Variants in PPP1R13B observed in about 807,000 individuals in gnomAD.
The protein encoded by PPP1R13B is protein phosphatase 1 regulatory subunit 13B.
Under a neutral mutation model 119.8 loss-of-function variants are expected in PPP1R13B, and 44 were observed. The observed-to-expected ratio is 0.37, with a 90% CI of 0.29 to 0.47. The LOEUF is 0.47. PPP1R13B is among the 20% of genes least tolerant of loss of function. PPP1R13B has a pLI of 0.99. For synonymous variants in PPP1R13B, 542 were observed against 561.5 expected (o/e 0.97, Z 0.49); for missense variants, 1,227 against 1,413.5 (o/e 0.87, Z 2.12).
chr14:103,843,172 G>C (rs2086948429), intron 1 of PPP1R13B, among the ~76,000 whole-genome samples: 1 of 151,424 alleles, frequency 6.6e-6, no homozygotes, highest in African/African-American at 2.4e-5. Context: ...AGGAGTTCGA[G>C]ACCAGCCTGG....
chr14:103,737,502 GGAGGTC>G (rs1482399862), intron 15 of PPP1R13B, 186 bp downstream of exon 15: 5 of 620,664 alleles, frequency 8.1e-6, no homozygotes, highest in Non-Finnish European at 1.0e-5. Flanking sequence ...ATTGAGCCCG[GGAGGTC>G]GAGGCTGCAG....
chr14:103,742,474 GT>G lies in PPP1R13B; in HGVS notation c.1320+179del, dbSNP rs1402729060. Among the ~76,000 whole-genome samples, 2 of 152,210 alleles carry G rather than the reference GT, an allele frequency of 1.3e-5. No individual in the cohort carries two copies. The highest frequency in any genetic ancestry group is 2.9e-5 in the Non-Finnish European group (2 of 68,044). On this transcript the variant is annotated intron_variant, in intron 10 of 16. Transcript: ENST00000202556. This position sits in a 1 kb window ranked among gnomAD's most constrained non-coding sequence, Gnocchi z 4.9. ...CAAAAGTTCTGACCGAAAGGTGTGT[GT>G]ACTCGTGGGCTGCTCAGGCTCTTAG...
chr14:103,803,033 C>T (rs556570200), intron 1 of PPP1R13B, among the ~76,000 whole-genome samples: 3 of 152,176 alleles, frequency 2.0e-5, no homozygotes, highest in Admixed American at 2.0e-4. Flanking sequence ...GACCCTAAAG[C>T]ATCACCGAAA....
intron 1 of PPP1R13B, among the ~76,000 whole-genome samples, chr14:103,845,705 A>G (rs2087013195): frequency 6.6e-6 from 1 of 152,202 alleles, no homozygotes; most frequent in Non-Finnish European, 1.5e-5. Flanking sequence ...ATTTTTCTAG[A>G]TATCCTTCAA....
intron 2 of PPP1R13B, among the ~76,000 whole-genome samples, chr14:103,787,336 C>G (rs2085492082): frequency 2.0e-5 from 3 of 151,886 alleles, no homozygotes; most frequent in Admixed American, 2.0e-4. Flanking sequence ...GTGGTTCCAG[C>G]TACTCAGGAA....
chr14:103,794,805 T>C, intron 2 of PPP1R13B: 1 of 286,676 alleles, frequency 3.5e-6, no homozygotes, highest in Non-Finnish European at 7.0e-6. Context: ...TTGGCCATTT[T>C]ACTTACTAAT....
intron 1 of PPP1R13B, among the ~76,000 whole-genome samples, chr14:103,798,312 C>T (rs1431022462): frequency 1.3e-5 from 2 of 151,818 alleles, no homozygotes; most frequent in African/African-American, 2.4e-5. Flanking sequence ...CCACCACGCC[C>T]GGCTAATTTT....
Position 103,740,579 on chromosome 14 carries a change from C to T in PPP1R13B, c.1837G>A (p.Val613Ile), listed in dbSNP as rs1363521147. Residue 613 changes from valine (V) to isoleucine (I), a missense_variant, in exon 12 of 17, where the codon GTT (valine) becomes ATT (isoleucine). By Grantham distance (29) the Val-to-Ile change is conservative. Transcript: ENST00000202556. The surrounding 1 kb of genome is among the most constrained non-coding windows in gnomAD (Gnocchi z 4.6). ...GGAGAGGTTGAACCCGAAGGTAAAA[C>T]GGGCTTACCATACACTGGGGAAGAC... ...KSVKAVYGKP[V>I]LPSGSTSPSP... 3 of 1,530,750 alleles carry T rather than the reference C, an allele frequency of 2.0e-6. No homozygotes were observed. Among genetic ancestry groups the T allele is most frequent in the South Asian group, 2.5e-5 (2 of 80,284 alleles). 94.8% of individuals were successfully genotyped at this position (1,530,750 alleles called of 1,614,324 possible). A position where few individuals can be genotyped will look rare whatever the true frequency, so the allele number is the denominator to read the frequency against.
intron 1 of PPP1R13B, among the ~76,000 whole-genome samples, chr14:103,828,204 T>TA (rs1213958846): frequency 6.6e-6 from 1 of 151,734 alleles, no homozygotes; most frequent in Non-Finnish European, 1.5e-5. Flanking sequence ...CCAACTCTAC[T>TA]AAAAATACAA....
chr14:103,827,035 T>C (rs1353744787), intron 1 of PPP1R13B, among the ~76,000 whole-genome samples: 2 of 115,902 alleles, frequency 1.7e-5, no homozygotes, highest in African/African-American at 3.3e-5. Context: ...CAAAAAAAAG[T>C]AGATTAAGGC....
chr14:103,762,661 T>G (rs1050837921), intron 4 of PPP1R13B: 19 of 528,008 alleles, frequency 3.6e-5, no homozygotes, highest in Non-Finnish European at 5.5e-5. Flanking sequence ...CTGCAGCCTC[T>G]GGAAGCCTGA....
At chr14:103,791,773 T>G (rs1260259235) in intron 2 of PPP1R13B, among the ~76,000 whole-genome samples, 1 of 152,184 alleles carries the variant, frequency 6.6e-6, no homozygotes, top group Non-Finnish European at 1.5e-5. Context: ...TCATTCCATA[T>G]TTTTAGTTTT....
chr14:103,836,678 G>A (rs753547652), intron 1 of PPP1R13B, among the ~76,000 whole-genome samples: 1 of 151,484 alleles, frequency 6.6e-6, no homozygotes, highest in African/African-American at 2.4e-5. Context: ...GCTGAGGCAG[G>A]AGAATCACTC....
Position 103,753,181 on chromosome 14 carries a change from C to T in PPP1R13B, c.647G>A (p.Arg216Lys), listed in dbSNP as rs546019557. The T allele has an allele frequency of 1.0e-4, 161 of 1,611,244 alleles. 2 individuals carry two copies. The Middle Eastern group carries it at 1.7e-3, about 17-fold the overall frequency. ...MNGNLSAEIE[R>K]FSAMFQEKKQ... Reference sequence around the variant, plus strand: ...CTTTTCCTGGAACATGGCACTGAACCTTTCTATTTCAGCAGCTATAATTGA... The same window carrying T: ...CTTTTCCTGGAACATGGCACTGAACTTTTCTATTTCAGCAGCTATAATTGA... Residue 216 changes from arginine to lysine, a missense_variant, in exon 7 of 17, where the codon AGG (arginine) becomes AAG (lysine). By Grantham distance (26) the Arg-to-Lys change is conservative (BLOSUM62 2). Coordinates refer to ENST00000202556, the MANE Select transcript of PPP1R13B (RefSeq NM_015316.3).
chr14:103,741,375 C>T lies in PPP1R13B; in HGVS notation c.1822+415G>A, dbSNP rs560425986. Among the ~76,000 whole-genome samples the T allele has an allele frequency of 2.0e-5, 3 of 152,348 alleles. No individual in the cohort carries two copies. In the South Asian group the frequency reaches 6.2e-4, roughly 32 times the overall value. ...GGGAGGCTCCTACGCAGCAGACGCC[C>T]TCCTTAAACTGCCCATGCCCAGGGG... On this transcript the variant is annotated intron_variant, in intron 11 of 16. Coordinates refer to ENST00000202556, the MANE Select transcript of PPP1R13B (RefSeq NM_015316.3).
Position 103,746,547 on chromosome 14 carries a change from G to C in PPP1R13B, c.976C>G (p.Arg326Gly). The C allele has an allele frequency of 6.3e-7, 1 of 1,587,104 alleles. No individual in the cohort carries two copies. ...RLYGKKIQLN[R>G]VNGTSSPQSP... ...TGTGGTGATGACGTGCCATTCACAC[G>C]GTTCAGCTACAAATTGGGAAGAAAT... Residue 326 changes from arginine (R) to glycine (G), a missense_variant, in exon 9 of 17, where the codon CGT (arginine) becomes GGT (glycine). Transcript: ENST00000202556.
intron 4 of PPP1R13B, among the ~76,000 whole-genome samples, chr14:103,758,369 C>T (rs2084726473): frequency 6.6e-6 from 1 of 152,164 alleles, no homozygotes; most frequent in African/African-American, 2.4e-5. Flanking sequence ...CATATATGAC[C>T]CATTTCGGCC....
intron 1 of PPP1R13B, among the ~76,000 whole-genome samples, chr14:103,812,889 C>T (rs2086194448): frequency 6.6e-6 from 1 of 152,168 alleles, no homozygotes; most frequent in South Asian, 2.1e-4. Flanking sequence ...TAGAATGGCC[C>T]AAATCCAAAG....
intron 16 of PPP1R13B, 101 bp from the exon 17 acceptor site, chr14:103,735,296 C>T (rs2084073716): frequency 6.3e-6 from 7 of 1,105,746 alleles, no homozygotes; most frequent in Non-Finnish European, 9.7e-6. Context: ...CCTGGACAGC[C>T]GTGCAGCACC....
Sources: allele counts gnomAD v4.1 joint callset (sites outside exome capture counted in the v4.1 genomes callset), GRCh38; gene constraint gnomAD v4.1.1; non-coding constraint Gnocchi (gnomAD v3.1); transcripts MANE v1.5; gene names NCBI Gene and HGNC (gene_info 2026-07-23, HGNC 2026-07-21).